Variants in TBC1D5 observed in about 807,000 individuals in gnomAD.
TBC1D5 encodes TBC1 domain family, member 5.
TBC1D5 carries 75 observed loss-of-function variants against 100.3 expected under a neutral mutation model. The observed-to-expected ratio is 0.75, with a 90% CI of 0.62 to 0.91. TBC1D5 has a LOEUF of 0.91. TBC1D5 is among the 40% of genes least tolerant of loss of function. TBC1D5 has a pLI of 0.00. For missense variants in TBC1D5, 910 were observed against 942.4 expected (o/e 0.97, Z 0.45); for synonymous variants, 323 against 325.6 (o/e 0.99, Z 0.09).
intron 15 of TBC1D5, among the ~76,000 whole-genome samples, chr3:17,283,608 C>T (rs2080840599): frequency 6.6e-6 from 1 of 151,942 alleles, no homozygotes; most frequent in African/African-American, 2.4e-5. Context: ...GTGTGCTTAC[C>T]AAGGGAGAAA....
Position 17,626,940 on chromosome 3 carries a change from T to C in TBC1D5, c.-100-3027A>G, listed in dbSNP as rs574839771. Among the ~76,000 whole-genome samples, 108 of 152,224 alleles carry C rather than the reference T, an allele frequency of 7.1e-4. 1 individual carries two copies. The highest frequency in any genetic ancestry group is 7.9e-4 in the Admixed American group (12 of 15,274). ...CAATCTCTAGGCAAAGTGGGGCCAA[T>C]GAAGGTTCCTAAGCAGGAGATTGTC... On this transcript the variant is annotated intron_variant, in intron 1 of 21. Coordinates refer to ENST00000253692, the Ensembl canonical transcript of TBC1D5.
chr3:17,633,690 G>C (rs2063676975), intron 1 of TBC1D5, among the ~76,000 whole-genome samples: 2 of 152,030 alleles, frequency 1.3e-5, no homozygotes, highest in African/African-American at 4.8e-5. Flanking sequence ...CTTTGGATTA[G>C]AATCATTCCA....
intron 3 of TBC1D5, among the ~76,000 whole-genome samples, chr3:17,499,441 C>T (rs1409226646): frequency 7.4e-6 from 1 of 135,056 alleles, no homozygotes; most frequent in Non-Finnish European, 1.5e-5. Context: ...GGGACTGTGG[C>T]TCACACCTGT....
chr3:17,719,262 A>C (rs2075497230), intron 1 of TBC1D5, among the ~76,000 whole-genome samples: 1 of 152,226 alleles, frequency 6.6e-6, no homozygotes, highest in African/African-American at 2.4e-5. Context: ...CTGCAGTGTT[A>C]TGTATTTTTC....
At chr3:17,706,227 C>T (rs971336677) in intron 1 of TBC1D5, 5 of 1,549,280 alleles carry the variant, frequency 3.2e-6, no homozygotes, top group Admixed American at 2.0e-5. Context: ...GCTGTGGAGG[C>T]GGCGGCCACC....
intron 2 of TBC1D5, among the ~76,000 whole-genome samples, chr3:17,617,244 A>T (rs2062248930): frequency 1.3e-5 from 2 of 152,202 alleles, no homozygotes; most frequent in Non-Finnish European, 1.5e-5. Context: ...GTTTCTGCCG[A>T]GAGATCCGCT....
intron 13 of TBC1D5, among the ~76,000 whole-genome samples, chr3:17,309,043 G>A: frequency 6.6e-6 from 1 of 151,984 alleles, no homozygotes; most frequent in Non-Finnish European, 1.5e-5. Context: ...AGAATTCTAT[G>A]TGATTCTAGC....
chr3:17,603,501 G>A (rs550002849), intron 2 of TBC1D5, among the ~76,000 whole-genome samples: 5 of 152,042 alleles, frequency 3.3e-5, no homozygotes, highest in Non-Finnish European at 7.4e-5. Context: ...TACCCTATAT[G>A]ATTAAAAGGG....
intron 1 of TBC1D5, among the ~76,000 whole-genome samples, chr3:17,721,502 C>G (rs1235936616): frequency 6.6e-6 from 1 of 151,354 alleles, no homozygotes; most frequent in Non-Finnish European, 1.5e-5. Context: ...GGCTGGCAAT[C>G]TTTTTAACTT....
intron 2 of TBC1D5, among the ~76,000 whole-genome samples, chr3:17,568,946 A>T (rs763554668): frequency 2.6e-5 from 4 of 151,742 alleles, no homozygotes; most frequent in Non-Finnish European, 5.9e-5. Flanking sequence ...TCTGCCCTGC[A>T]TACCACATAA....
At chr3:17,367,135 T>A (rs576318090) in intron 13 of TBC1D5, among the ~76,000 whole-genome samples, 1 of 152,330 alleles carries the variant, frequency 6.6e-6, no homozygotes, top group East Asian at 1.9e-4. Context: ...GTAAAAAGTT[T>A]ACAGATTCAA....
intron 1 of TBC1D5, among the ~76,000 whole-genome samples, chr3:17,693,308 C>G (rs2153832998): frequency 6.6e-6 from 1 of 152,332 alleles, no homozygotes; most frequent in East Asian, 1.9e-4. Context: ...TGCAAGGGGT[C>G]AGGGATTTCC....
chr3:17,162,626 C>T (rs562839373), intron 21 of TBC1D5, among the ~76,000 whole-genome samples: 10 of 151,574 alleles, frequency 6.6e-5, no homozygotes, highest in Non-Finnish European at 1.0e-4. Flanking sequence ...CCTACACAAG[C>T]AAAGAAAAAC....
chr3:17,623,503 T>G (rs1480967361), intron 2 of TBC1D5, among the ~76,000 whole-genome samples: 1 of 152,218 alleles, frequency 6.6e-6, no homozygotes, highest in Non-Finnish European at 1.5e-5. Context: ...TTACTAGAAA[T>G]GGCAGTTTCC....
chr3:17,363,713 T>C, intron 13 of TBC1D5, among the ~76,000 whole-genome samples: 1 of 152,032 alleles, frequency 6.6e-6, no homozygotes, highest in African/African-American at 2.4e-5. Context: ...TAATTTCTGT[T>C]TCTTTAAATG....
intron 15 of TBC1D5, among the ~76,000 whole-genome samples, chr3:17,283,169 A>G (rs1426959015): frequency 1.3e-5 from 2 of 152,242 alleles, no homozygotes; most frequent in Non-Finnish European, 2.9e-5. Flanking sequence ...TTCTTTCTGC[A>G]GTGGTGTCTG....
intron 2 of TBC1D5, among the ~76,000 whole-genome samples, chr3:17,535,359 T>A (rs2096271659): frequency 6.6e-6 from 1 of 152,208 alleles, no homozygotes; most frequent in African/African-American, 2.4e-5. Flanking sequence ...CATAATGTGC[T>A]TTTATGGCCC....
chr3:17,575,232 T>A (rs1312562297), intron 2 of TBC1D5: 1 of 151,672 alleles, frequency 6.6e-6, no homozygotes, highest in African/African-American at 2.4e-5. Flanking sequence ...GGGAGGATGG[T>A]TTGAGACCTG....
intron 17 of TBC1D5, among the ~76,000 whole-genome samples, chr3:17,228,690 TC>T (rs1482668223): frequency 7.1e-6 from 1 of 141,692 alleles, no homozygotes; most frequent in Non-Finnish European, 1.6e-5. Context: ...AGAGAAGTTA[TC>T]TTTTTTTTTT....
Sources: allele counts gnomAD v4.1 joint callset (sites outside exome capture counted in the v4.1 genomes callset), GRCh38; gene constraint gnomAD v4.1.1; transcripts MANE v1.5; gene names NCBI Gene and HGNC (gene_info 2026-07-23, HGNC 2026-07-21).